TLR4: variants seen among roughly 807,000 people sequenced by gnomAD.
The protein encoded by TLR4 is toll like receptor 4.
TLR4 carries 17 observed loss-of-function variants against 27.4 expected under a neutral mutation model. The observed-to-expected ratio is 0.62, with a 90% CI of 0.42 to 0.93. TLR4 has a LOEUF of 0.93. Ranked by LOEUF, TLR4 falls within the 40% of genes least tolerant of loss-of-function variation. The pLI, the probability that TLR4 is intolerant of heterozygous loss-of-function variation, is 0.00. For missense variants in TLR4, 926 were observed against 962.3 expected (o/e 0.96, Z 0.50); for synonymous variants, 363 against 365.7 (o/e 0.99, Z 0.08).
Position 117,714,689 on chromosome 9 carries a change from C to T in TLR4, c.*41C>T, listed in dbSNP as rs141787573. Reference sequence around the variant, plus strand: ...ACCTCCTGAGGCATTTCTTGCCCAGCTGGGTCCAACACTTGTTCAGTTAAT... The same window carrying T: ...ACCTCCTGAGGCATTTCTTGCCCAGTTGGGTCCAACACTTGTTCAGTTAAT... On this transcript the variant is annotated 3_prime_UTR_variant, in exon 3 of 3. Transcript: ENST00000355622. 4 of 1,553,098 alleles carry T rather than the reference C, an allele frequency of 2.6e-6. No individual in the cohort carries two copies. The African/African-American group carries it at 4.1e-5, about 16-fold the overall frequency.
At position 117,716,050 on chromosome 9, in the gene TLR4, A is replaced by T. The variant is rs534952400; in HGVS notation, c.*1402A>T. On this transcript the variant is annotated 3_prime_UTR_variant, in exon 3 of 3. Transcript: ENST00000355622. ...TTATACCAGGTAGAATGGCTACTAT[A>T]AAAAAATGAAGTGTCATCAAGGATA... is the stretch of plus-strand genomic sequence containing the variant. The T allele has an allele frequency of 2.0e-5, 3 of 152,254 alleles. No individual in the cohort carries two copies. The highest frequency in any genetic ancestry group is 7.2e-5 in the African/African-American group (3 of 41,556). The allele number at this position is 152,254 out of a possible 1,614,324, so 9.4% of individuals were successfully genotyped here. A position where few individuals can be genotyped will look rare whatever the true frequency, so the allele number is the denominator to read the frequency against.
intron 2 of TLR4, 88 bp downstream of exon 2, chr9:117,708,817 A>G: frequency 6.6e-7 from 1 of 1,520,838 alleles, no homozygotes; most frequent in Non-Finnish European, 9.1e-7. Flanking sequence ...TGGTTTGTGG[A>G]GTCTCATCTT....
Position 117,713,934 on chromosome 9 carries a change from G to A in TLR4, c.1806G>A (p.Val602=), listed in dbSNP as rs1448955723. ...TCAAGGACCAGAGGCAGCTCTTGGT[G>A]GAAGTTGAACGAATGGAATGTGCAA... ...QWIKDQRQLL[V]EVERMECATP... The change falls in exon 3 of 3, where the codon GTG becomes GTA. Residue 602 remains valine, a synonymous_variant. Coordinates refer to ENST00000355622, the MANE Select transcript of TLR4 (RefSeq NM_138554.5). 1 of 1,614,054 alleles carries A rather than the reference G, an allele frequency of 6.2e-7. No individual in the cohort carries two copies. Among genetic ancestry groups the A allele is most frequent in the South Asian group, 1.1e-5 (1 of 91,086 alleles).
At chr9:117,708,877 T>G in intron 2 of TLR4, 148 bp downstream of exon 2, 3 of 991,904 alleles carry the variant, frequency 3.0e-6, no homozygotes, top group Non-Finnish European at 4.5e-6. Context: ...TATATAACCT[T>G]GAGCAAGCTA....
At position 117,715,390 on chromosome 9, in the gene TLR4, A is replaced by G. The variant is rs1039898769; in HGVS notation, c.*742A>G. 2.6e-5 allele frequency: 4 copies of G among 152,244 alleles called. No individual in the cohort carries two copies. Among genetic ancestry groups the G allele is most frequent in the African/African-American group, 9.6e-5 (4 of 41,462 alleles). 9.4% of individuals were successfully genotyped at this position (152,244 alleles called of 1,614,324 possible). On this transcript the variant is annotated 3_prime_UTR_variant, in exon 3 of 3. Transcript: ENST00000355622. ...ATTAACCACTATTTTTCAAGGAAGT[A>G]TGGAAAAGTACACTCTGTCACTTTG... is the stretch of plus-strand genomic sequence containing the variant.
rs1829313003 is a variant in TLR4 at position 117,714,703 on chromosome 9, TG to T, written c.*56del. 6.8e-7 allele frequency: 1 copy of T among 1,480,998 alleles called. No individual in the cohort carries two copies. The highest frequency in any genetic ancestry group is 9.4e-7 in the Non-Finnish European group (1 of 1,066,086). The allele number at this position is 1,480,998 out of a possible 1,614,324, so 91.7% of individuals were successfully genotyped here. On this transcript the variant is annotated 3_prime_UTR_variant, in exon 3 of 3. Transcript: ENST00000355622. ...TTCTTGCCCAGCTGGGTCCAACACT[TG>T]TTCAGTTAATAAGTATTAAATGCTG...
rs1048495704 is a variant in TLR4 at position 117,716,113 on chromosome 9, T to G, written c.*1465T>G. 6.6e-6 allele frequency: 1 copy of G among 152,134 alleles called. No homozygotes were observed. The highest frequency in any genetic ancestry group is 2.4e-5 in the African/African-American group (1 of 41,430). 9.4% of individuals were successfully genotyped at this position (152,134 alleles called of 1,614,324 possible). On this transcript the variant is annotated 3_prime_UTR_variant, in exon 3 of 3. Transcript: ENST00000355622. Reference sequence around the variant, plus strand: ...AACCCTTCTTCACTGCTGGAGGGAATGGAAAATGGTGTAGCCGTTATGAAA... The same window carrying G: ...AACCCTTCTTCACTGCTGGAGGGAAGGGAAAATGGTGTAGCCGTTATGAAA...
intron 1 of TLR4, 79 bp downstream of exon 1, chr9:117,704,644 AT>A: frequency 1.7e-6 from 2 of 1,150,462 alleles, no homozygotes; most frequent in Non-Finnish European, 2.5e-6. Context: ...TGGTTTGTTT[AT>A]TTTTGCAAAA....
At position 117,704,498 on chromosome 9, in the gene TLR4, GGACTCT is replaced by G. The variant is rs1829101953; in HGVS notation, c.29_34del (p.Thr10_Leu11del). The G allele has an allele frequency of 6.2e-6, 10 of 1,613,576 alleles. No individual in the cohort carries two copies. The South Asian group carries it at 7.7e-5, about 12-fold the overall frequency. The stretch of plus-strand genomic sequence containing the variant: ...ATGATGTCTGCCTCGCGCCTGGCTG[GGACTCT>G]GATCCCAGCCATGGCCTTCCTCTCC... On this transcript the variant is annotated inframe_deletion, in exon 1 of 3. Transcript: ENST00000355622.
rs1829386050 is a variant in TLR4, at chr9:117,718,565, G to A, written c.*3917G>A. On this transcript the variant is annotated 3_prime_UTR_variant, in exon 3 of 3. Transcript: ENST00000355622. ...GCTTTCCATTTTTCTGGTGTTTTGA[G>A]TAGCGTGGCTTTTGGAGAAAGCCAA... 6.6e-6 allele frequency: 1 copy of A among 151,770 alleles called. No homozygotes were observed. Among genetic ancestry groups the A allele is most frequent in the African/African-American group, 2.4e-5 (1 of 41,276 alleles). 9.4% of individuals were successfully genotyped at this position (151,770 alleles called of 1,614,324 possible).
chr9:117,712,415 G>T lies in TLR4; in HGVS notation c.287G>T (p.Gly96Val). The T allele has an allele frequency of 6.2e-7, 1 of 1,613,730 alleles. No homozygotes were observed. Among genetic ancestry groups the T allele is most frequent in the East Asian group, 2.2e-5 (1 of 44,844 alleles). The change falls in exon 3 of 3, where the codon GGG (glycine) becomes GTG (valine). Residue 96 changes from glycine to valine, a missense_variant. Transcript: ENST00000355622. The part of the protein sequence containing the change: ...SRCEIQTIED[G>V]AYQSLSHLST... The stretch of plus-strand genomic sequence containing the variant: ...TGTGAAATCCAGACAATTGAAGATG[G>T]GGCATATCAGAGCCTAAGCCACCTC...
At position 117,714,062 on chromosome 9, in the gene TLR4, C is replaced by A. The variant is rs560472197; in HGVS notation, c.1934C>A (p.Ser645Tyr). The stretch of plus-strand genomic sequence containing the variant: ...TCGGTCCTCAGTGTGCTTGTAGTAT[C>A]TGTTGTAGCAGTTCTGGTCTATAAG... Reference protein sequence around the residue: ...GVSVLSVLVVSVVAVLVYKFY... With the variant: ...GVSVLSVLVVYVVAVLVYKFY... Residue 645 changes from serine to tyrosine, a missense_variant, in exon 3 of 3, where the codon TCT becomes TAT. Physicochemically the swap from Ser to Tyr is moderately radical, Grantham distance 144. Coordinates refer to ENST00000355622, the MANE Select transcript of TLR4 (RefSeq NM_138554.5). 8 of 1,613,974 alleles carry A rather than the reference C, an allele frequency of 5.0e-6. No individual in the cohort carries two copies. In the South Asian group the frequency reaches 8.8e-5, roughly 18 times the overall value.
intron 2 of TLR4, among the ~76,000 whole-genome samples, chr9:117,710,108 T>G (rs1227690330): frequency 1.3e-5 from 2 of 152,088 alleles, no homozygotes; most frequent in Non-Finnish European, 2.9e-5. Flanking sequence ...GATTCAGGGA[T>G]TTACATGGTT....
rs1829448411 is a variant in TLR4, at chr9:117,723,780, G to A, written c.*9132G>A. The A allele has an allele frequency of 6.6e-6, 1 of 152,122 alleles. No individual in the cohort carries two copies. The highest frequency in any genetic ancestry group is 6.5e-5 in the Admixed American group (1 of 15,268). 9.4% of individuals were successfully genotyped at this position (152,122 alleles called of 1,614,324 possible). ...CAGTTTTAATTATCTTAAAGGAGAA[G>A]AATACAGTTTCTCTAAACTCAAGCA... On this transcript the variant is annotated 3_prime_UTR_variant, in exon 3 of 3. Transcript: ENST00000355622.
At chr9:117,704,630 G>A (rs987420351) in intron 1 of TLR4, 65 bp downstream of exon 1, 42 of 1,381,584 alleles carry the variant, frequency 3.0e-5, no homozygotes, top group Admixed American at 2.0e-4. Context: ...CTCACTGTGT[G>A]CCCTGGTTTG....
chr9:117,709,405 C>T (rs1005477763), intron 2 of TLR4, among the ~76,000 whole-genome samples: 3 of 151,974 alleles, frequency 2.0e-5, no homozygotes, highest in Non-Finnish European at 2.9e-5. Flanking sequence ...TAGGAAAAGA[C>T]AAGTAACCCA....
At position 117,713,384 on chromosome 9, in the gene TLR4, T is replaced by A. The variant is rs1179767491; in HGVS notation, c.1256T>A (p.Leu419Ter). Residue 419 changes from leucine to a stop codon, truncating the protein, a stop_gained, in exon 3 of 3, where the codon TTG becomes TAG. Transcript: ENST00000355622. LOFTEE classifies it low-confidence loss of function (END_TRUNC). ...GTTATTACCATGAGTTCAAACTTCT[T>A]GGGCTTAGAACAACTAGAACATCTG... ...NGVITMSSNF[L>*]GLEQLEHLDF... 1.2e-6 allele frequency: 2 copies of A among 1,614,082 alleles called. No individual in the cohort carries two copies.
rs1829413550 is a variant in TLR4 at position 117,720,776 on chromosome 9, G to A, written c.*6128G>A. On this transcript the variant is annotated 3_prime_UTR_variant, in exon 3 of 3. Coordinates refer to ENST00000355622, the MANE Select transcript of TLR4 (RefSeq NM_138554.5). The stretch of plus-strand genomic sequence containing the variant: ...GGCAGGACTGACCTGAAATAACCCA[G>A]CCTGACTCTATCCACAGCCACCCCA... 1 of 152,240 alleles carries A rather than the reference G, an allele frequency of 6.6e-6. No individual in the cohort carries two copies. The highest frequency in any genetic ancestry group is 2.4e-5 in the African/African-American group (1 of 41,428). 9.4% of individuals were successfully genotyped at this position (152,240 alleles called of 1,614,324 possible). A position where few individuals can be genotyped will look rare whatever the true frequency, so the allele number is the denominator to read the frequency against.
In TLR4 at chr9:117,715,044, G is replaced by T; in HGVS notation, c.*396G>T. The T allele has an allele frequency of 4.6e-6, 1 of 217,798 alleles. No homozygotes were observed. The highest frequency in any genetic ancestry group is 6.9e-5 in the South Asian group (1 of 14,566). 13.5% of individuals were successfully genotyped at this position (217,798 alleles called of 1,614,324 possible). A position where few individuals can be genotyped will look rare whatever the true frequency, so the allele number is the denominator to read the frequency against. ...ATTTTGGTAGTTTTGACTGAACTGG[G>T]TGTTCACTTTTTCCTTTTTGATTGA... On this transcript the variant is annotated 3_prime_UTR_variant, in exon 3 of 3. Coordinates refer to ENST00000355622, the MANE Select transcript of TLR4 (RefSeq NM_138554.5).
Sources: allele counts gnomAD v4.1 joint callset (sites outside exome capture counted in the v4.1 genomes callset), GRCh38; gene constraint gnomAD v4.1.1; transcripts MANE v1.5; gene names NCBI Gene and HGNC (gene_info 2026-07-23, HGNC 2026-07-21).